KCNIP4: variants seen among roughly 807,000 people sequenced by gnomAD.
KCNIP4 encodes potassium voltage-gated channel interacting protein 4.
KCNIP4 carries 12 observed loss-of-function variants against 34.0 expected under a neutral mutation model. That is an observed-to-expected ratio of 0.35 (90% confidence interval 0.23 to 0.57). The LOEUF (loss-of-function observed/expected upper bound fraction) is 0.57. Ranked by LOEUF, KCNIP4 falls within the 20% of genes least tolerant of loss-of-function variation. The pLI is 0.83. For synonymous variants in KCNIP4, 124 were observed against 102.2 expected (o/e 1.21, Z -1.29); for missense variants, 238 against 311.7 (o/e 0.76, Z 1.78).
At chr4:20,826,207 C>T (rs893192799) in intron 3 of KCNIP4, among the ~76,000 whole-genome samples, 4 of 152,088 alleles carry the variant, frequency 2.6e-5, no homozygotes, top group African/African-American at 9.7e-5. Context: ...CTGGGTCATA[C>T]TTTGGGACCA....
intron 1 of KCNIP4, among the ~76,000 whole-genome samples, chr4:20,940,953 A>G (rs1435675329): frequency 6.6e-6 from 1 of 152,188 alleles, no homozygotes; most frequent in African/African-American, 2.4e-5. Context: ...CCTGAGTGAC[A>G]ATGAGCACAT....
chr4:21,814,064 A>G (rs1266031344), intron 1 of KCNIP4, among the ~76,000 whole-genome samples: 2 of 152,076 alleles, frequency 1.3e-5, no homozygotes, highest in Non-Finnish European at 2.9e-5. Context: ...TTTTTTAATC[A>G]TTATTTTACA....
intron 1 of KCNIP4, among the ~76,000 whole-genome samples, chr4:21,193,333 A>C (rs1755815971): frequency 6.6e-6 from 1 of 152,132 alleles, no homozygotes; most frequent in Non-Finnish European, 1.5e-5. Flanking sequence ...AGAAAAAGTA[A>C]AGCTTGCAGA....
At chr4:21,000,771 A>AC in intron 1 of KCNIP4, among the ~76,000 whole-genome samples, 1 of 152,146 alleles carries the variant, frequency 6.6e-6, no homozygotes, top group Non-Finnish European at 1.5e-5. Flanking sequence ...GTCTCACTAC[A>AC]CACCCCTTAC....
chr4:20,905,526 G>C (rs150835266), intron 1 of KCNIP4, among the ~76,000 whole-genome samples: 1 of 46,868 alleles, frequency 2.1e-5, no homozygotes, highest in Non-Finnish European at 4.2e-5. Flanking sequence ...TTTTTTTTTT[G>C]TTTGAGATGG....
At chr4:21,326,628 A>G (rs1578082208) in intron 1 of KCNIP4, among the ~76,000 whole-genome samples, 1 of 151,232 alleles carries the variant, frequency 6.6e-6, no homozygotes. Context: ...AATTTAATCC[A>G]TTTACATTCA....
intron 2 of KCNIP4, among the ~76,000 whole-genome samples, chr4:20,860,135 T>TC (rs1722031889): frequency 6.6e-6 from 1 of 152,060 alleles, no homozygotes. Flanking sequence ...CTTTTTTTTT[T>TC]CTTCTCTTTT....
chr4:21,330,328 A>G (rs756635803), intron 1 of KCNIP4, among the ~76,000 whole-genome samples: 12 of 152,214 alleles, frequency 7.9e-5, no homozygotes, highest in South Asian at 2.1e-4. Flanking sequence ...GTTAACCCGA[A>G]TAAGTTTAGA....
chr4:21,487,258 G>A (rs1414353769), intron 1 of KCNIP4, among the ~76,000 whole-genome samples: 5 of 151,906 alleles, frequency 3.3e-5, no homozygotes, highest in African/African-American at 7.3e-5. Flanking sequence ...GACCTCATTC[G>A]TTTTGAGGAG....
At chr4:21,049,303 CAT>C (rs1742728387) in intron 1 of KCNIP4, among the ~76,000 whole-genome samples, 1 of 152,136 alleles carries the variant, frequency 6.6e-6, no homozygotes, top group South Asian at 2.1e-4. Flanking sequence ...AGCAGAGATA[CAT>C]AGTTACCCTC....
At chr4:21,693,104 T>TCTTACCTTCTCTTCATA (rs1711864163) in intron 1 of KCNIP4, among the ~76,000 whole-genome samples, 1 of 94,906 alleles carries the variant, frequency 1.1e-5, no homozygotes, top group Non-Finnish European at 2.4e-5. Flanking sequence ...TAGGATCACC[T>TCTTACCTTCTCTTCATA]CTTCCAGACA....
rs577124180 is a variant in KCNIP4 at position 21,924,465 on chromosome 4, C to A, written c.61+24106G>T. On this transcript the variant is annotated intron_variant, in intron 1 of 8. Coordinates refer to ENST00000382152, the MANE Select transcript of KCNIP4 (RefSeq NM_025221.6). Reference sequence around the variant, plus strand: ...TTCACTGTGTTAGCCAAAATGGTCTCTATCTGCTGACCTCATGATCTGTCC... The same window carrying A: ...TTCACTGTGTTAGCCAAAATGGTCTATATCTGCTGACCTCATGATCTGTCC... Among the ~76,000 whole-genome samples, 4 of 152,098 alleles carry A rather than the reference C, an allele frequency of 2.6e-5. No individual in the cohort carries two copies. In the South Asian group the frequency reaches 8.3e-4, roughly 32 times the overall value.
At chr4:20,763,563 G>A (rs540449858) in intron 3 of KCNIP4, among the ~76,000 whole-genome samples, 147 of 152,110 alleles carry the variant, frequency 9.7e-4, no homozygotes, top group Non-Finnish European at 1.9e-3. Context: ...ATCACTTAAT[G>A]TGTCTACCCC....
chr4:21,102,775 C>A (rs950399858), intron 1 of KCNIP4, among the ~76,000 whole-genome samples: 1 of 152,118 alleles, frequency 6.6e-6, no homozygotes, highest in Non-Finnish European at 1.5e-5. Context: ...CCTTTGTTGG[C>A]TTATAAAGAA....
intron 1 of KCNIP4, among the ~76,000 whole-genome samples, chr4:21,068,167 C>T (rs540704358): frequency 1.3e-5 from 2 of 152,254 alleles, no homozygotes; most frequent in African/African-American, 4.8e-5. Context: ...CAGAACTGAA[C>T]ATGGCTTCCT....
chr4:21,346,371 C>CT, intron 1 of KCNIP4, among the ~76,000 whole-genome samples: 1 of 140,840 alleles, frequency 7.1e-6, no homozygotes, highest in African/African-American at 2.7e-5. Flanking sequence ...AATAAAGAGC[C>CT]TTTTTTCTAC....
intron 1 of KCNIP4, among the ~76,000 whole-genome samples, chr4:21,682,296 C>G (rs1162472201): frequency 6.6e-6 from 1 of 152,136 alleles, no homozygotes; most frequent in African/African-American, 2.4e-5. Flanking sequence ...AAATCCACCC[C>G]ATAATCCAAT....
chr4:21,427,821 A>G (rs956728728), intron 1 of KCNIP4, among the ~76,000 whole-genome samples: 3 of 152,190 alleles, frequency 2.0e-5, no homozygotes, highest in Admixed American at 1.3e-4. Flanking sequence ...AAAGTCCTTA[A>G]GAAAACTGAC....
In KCNIP4 at chr4:21,367,906, G is replaced by A. The variant is rs549503257; in HGVS notation, c.62-485197C>T. ...ATTCGAGATAGCAAAAATGCAAGTG[G>A]TTCCCCAGAGACTACCTATACAGGC... is the stretch of plus-strand genomic sequence containing the variant. On this transcript the variant is annotated intron_variant, in intron 1 of 8. Transcript: ENST00000382152. 1.6e-4 allele frequency among the ~76,000 whole-genome samples: 23 copies of A among 147,608 alleles called. 1 individual carries two copies. In the South Asian group the frequency reaches 4.9e-3, roughly 31 times the overall value.
Sources: gnomAD v4.1 joint callset for allele counts (sites outside exome capture counted in the v4.1 genomes callset) on GRCh38, gnomAD v4.1.1 for gene constraint, MANE v1.5 for transcripts, NCBI Gene and HGNC (gene_info 2026-07-23, HGNC 2026-07-21) for gene names.